BDH1: variants seen among roughly 807,000 people sequenced by gnomAD.
BDH1 encodes D-beta-hydroxybutyrate dehydrogenase, mitochondrial.
A neutral mutation model predicts 33.1 loss-of-function variants in BDH1; 30 were observed. That is an observed-to-expected ratio of 0.91 (90% CI 0.68 to 1.23). The LOEUF (loss-of-function observed/expected upper bound fraction) is 1.23, where lower values mean the gene tolerates loss of function less well. Among genes scored for constraint, BDH1 ranks in the 50% most tolerant of loss-of-function variants. The probability of loss-of-function intolerance (pLI) is 0.00; values close to 1 mark genes in which losing one functional copy is unlikely to be tolerated. For synonymous variants in BDH1, 190 were observed against 183.6 expected (o/e 1.03, Z -0.28); for missense variants, 443 against 464.4 (o/e 0.95, Z 0.42).
chr3:197,548,995 G>C (rs1180986924), intron 2 of BDH1, among the ~76,000 whole-genome samples: 1 of 152,140 alleles, frequency 6.6e-6, no homozygotes, highest in East Asian at 1.9e-4. Context: ...GACTCTTCAG[G>C]GTAGCTGTCT....
Position 197,520,041 on chromosome 3 carries a change from G to A in BDH1, c.409+2599C>T, listed in dbSNP as rs986585650. ...ACATGTCCTGCATGGGGTGTGGGTC[G>A]GTGGCGGCCACTGCGGGTCGGAACG... On this transcript the variant is annotated intron_variant, in intron 6 of 7. Coordinates refer to ENST00000392379, the MANE Select transcript of BDH1 (RefSeq NM_203314.3). The surrounding 1 kb of genome is among the most constrained non-coding windows in gnomAD (Gnocchi z 6.0). 7.9e-5 allele frequency among the ~76,000 whole-genome samples: 12 copies of A among 151,880 alleles called. No homozygotes were observed. The highest frequency in any genetic ancestry group is 2.7e-4 in the African/African-American group (11 of 41,324).
At position 197,533,525 on chromosome 3, in the gene BDH1, C is replaced by A. The variant is rs548695079; in HGVS notation, c.120G>T (p.Pro40=). 1 of 1,614,220 alleles carries A rather than the reference C, an allele frequency of 6.2e-7. No homozygotes were observed. The highest frequency in any genetic ancestry group is 8.5e-7 in the Non-Finnish European group (1 of 1,180,040). The change falls in exon 4 of 8, where the codon CCG becomes CCT. Residue 40 remains proline (P), a synonymous_variant. Transcript: ENST00000392379. ...PLLLGSTSFI[P]IGRRTYASAA... is the part of the protein sequence containing the mutation. ...CACTGGCATAAGTCCGACGGCCAAT[C>A]GGGATAAAGGAAGTAGAACCAAGCA...
At chr3:197,553,337 T>C (rs1644798229) in intron 2 of BDH1, among the ~76,000 whole-genome samples, 1 of 149,704 alleles carries the variant, frequency 6.7e-6, no homozygotes, top group Admixed American at 6.6e-5. Flanking sequence ...GAGACCATCC[T>C]GGCCAACATG....
At position 197,522,754 on chromosome 3, in the gene BDH1, G is replaced by C; in HGVS notation, c.295C>G (p.Leu99Val). Residue 99 changes from leucine (L) to valine (V), a missense_variant, in exon 6 of 8, where the codon CTG (leucine) becomes GTG (valine). Leu to Val is a conservative substitution (Grantham distance 32, BLOSUM62 1). Transcript: ENST00000392379. This position sits in a 1 kb window ranked among gnomAD's most constrained non-coding sequence, Gnocchi z 4.8. ...KDKGHDGVKE[L>V]DSLNSDRLRT... The stretch of plus-strand genomic sequence containing the variant: ...AATCGGTCACTGTTTAGGCTGTCCA[G>C]CTCCTTGACCCCATCATGGCCTTTG... The C allele has an allele frequency of 6.2e-7, 1 of 1,614,086 alleles. No individual in the cohort carries two copies. The highest frequency in any genetic ancestry group is 8.5e-7 in the Non-Finnish European group (1 of 1,179,990).
chr3:197,539,983 G>A (rs1715463257), intron 3 of BDH1, among the ~76,000 whole-genome samples: 2 of 152,172 alleles, frequency 1.3e-5, no homozygotes, highest in South Asian at 4.1e-4. Context: ...TGAGCAAGGT[G>A]AAGCCATTGG....
intron 3 of BDH1, among the ~76,000 whole-genome samples, chr3:197,544,857 G>A (rs1475662844): frequency 1.3e-5 from 2 of 152,202 alleles, no homozygotes; most frequent in Non-Finnish European, 2.9e-5. Flanking sequence ...GACCAGCCTG[G>A]CCAACATGGC....
At chr3:197,562,547 T>A (rs1717300866) in intron 1 of BDH1, among the ~76,000 whole-genome samples, 1 of 152,150 alleles carries the variant, frequency 6.6e-6, no homozygotes, top group Non-Finnish European at 1.5e-5. Flanking sequence ...AATTTAATTT[T>A]AAAAATGGGT....
At chr3:197,512,926 G>T (rs890438079) in intron 7 of BDH1, among the ~76,000 whole-genome samples, 2 of 152,188 alleles carry the variant, frequency 1.3e-5, no homozygotes, top group African/African-American at 4.8e-5. Flanking sequence ...TGGGGCTGCA[G>T]CTGGGAGGGA....
At chr3:197,568,172 G>A (rs540411026) in intron 1 of BDH1, among the ~76,000 whole-genome samples, 31 of 152,262 alleles carry the variant, frequency 2.0e-4, no homozygotes, top group Middle Eastern at 3.4e-3. Context: ...CAGAGCCAGC[G>A]TGCAGCCTGC....
At chr3:197,547,822 C>T (rs1378010116) in intron 2 of BDH1, among the ~76,000 whole-genome samples, 3 of 152,176 alleles carry the variant, frequency 2.0e-5, no homozygotes, top group East Asian at 1.9e-4. Flanking sequence ...CACGTGAGGG[C>T]GTTCCTGCCT....
chr3:197,561,159 A>C (rs754475136), intron 1 of BDH1, among the ~76,000 whole-genome samples: 26 of 152,104 alleles, frequency 1.7e-4, no homozygotes, highest in Non-Finnish European at 3.8e-4. Context: ...CCATGGAGGG[A>C]TTCTGAGTGG....
intron 5 of BDH1, among the ~76,000 whole-genome samples, chr3:197,532,083 G>A (rs1238628761): frequency 6.6e-6 from 1 of 152,184 alleles, no homozygotes; most frequent in Non-Finnish European, 1.5e-5. Flanking sequence ...TTCTTCAGCT[G>A]TGTCTATGCA....
intron 3 of BDH1, chr3:197,538,315 A>G (rs760103982): frequency 1.3e-5 from 6 of 456,402 alleles, no homozygotes; most frequent in African/African-American, 1.2e-4. Context: ...CCTTTTCTGT[A>G]TACCATTTGA....
Position 197,525,438 on chromosome 3 carries a change from G to A in BDH1, c.268-2657C>T, listed in dbSNP as rs1243316098. On this transcript the variant is annotated intron_variant, in intron 5 of 7. Transcript: ENST00000392379. This position sits in a 1 kb window ranked among gnomAD's most constrained non-coding sequence, Gnocchi z 4.9. Reference sequence around the variant, plus strand: ...CTCTGGTGCCCCTACACAGCATCACGACAAGGTCCCTGCAGTCCTCAGGGG... The same window carrying A: ...CTCTGGTGCCCCTACACAGCATCACAACAAGGTCCCTGCAGTCCTCAGGGG... Among the ~76,000 whole-genome samples, 4 of 152,154 alleles carry A rather than the reference G, an allele frequency of 2.6e-5. No individual in the cohort carries two copies. The highest frequency in any genetic ancestry group is 9.7e-5 in the African/African-American group (4 of 41,436).
intron 2 of BDH1, among the ~76,000 whole-genome samples, chr3:197,551,925 C>T (rs1716604006): frequency 6.6e-6 from 1 of 152,092 alleles, no homozygotes; most frequent in Admixed American, 6.5e-5. Flanking sequence ...AAAGGCAGGC[C>T]ACTAAACAAC....
In BDH1 at chr3:197,539,989, A is replaced by T. The variant is rs115573489; in HGVS notation, c.83+6372T>A. 6.5e-3 allele frequency among the ~76,000 whole-genome samples: 990 copies of T among 152,220 alleles called. 3 individuals carry two copies. Among genetic ancestry groups the T allele is most frequent in the South Asian group, 0.01 (50 of 4,824 alleles). ...TCTAGGCAGTGAGCAAGGTGAAGCC[A>T]TTGGGCAGTTACATCCCTAGTGGAA... On this transcript the variant is annotated intron_variant, in intron 3 of 7. Transcript: ENST00000392379.
chr3:197,550,424 G>A (rs1345303677), intron 2 of BDH1, among the ~76,000 whole-genome samples: 1 of 152,126 alleles, frequency 6.6e-6, no homozygotes, highest in East Asian at 1.9e-4. Flanking sequence ...ACCTTTCGGG[G>A]GTCTGTCCTG....
Position 197,514,444 on chromosome 3 carries a change from T to C in BDH1, c.410-28A>G. On this transcript the variant is annotated intron_variant, in intron 6 of 7. Coordinates refer to ENST00000392379, the MANE Select transcript of BDH1 (RefSeq NM_203314.3). The surrounding 1 kb of genome is among the most constrained non-coding windows in gnomAD (Gnocchi z 4.2). ...GGACAGGAGAGGGATAGATGTGCATTTACCACATGGGCTTGGCCCAGACAT... is the reference window on the plus strand; with the variant it reads ...GGACAGGAGAGGGATAGATGTGCATCTACCACATGGGCTTGGCCCAGACAT... 6.4e-7 allele frequency: 1 copy of C among 1,558,456 alleles called. No homozygotes were observed. Among genetic ancestry groups the C allele is most frequent in the East Asian group, 2.3e-5 (1 of 42,906 alleles).
Position 197,510,733 on chromosome 3 carries a change from A to T in BDH1, c.*1162T>A, listed in dbSNP as rs1711936924. 2 of 141,412 alleles carry T rather than the reference A, an allele frequency of 1.4e-5. No individual in the cohort carries two copies. The highest frequency in any genetic ancestry group is 7.3e-5 in the Admixed American group (1 of 13,652). The allele number at this position is 141,412 out of a possible 1,614,324, so 8.8% of individuals were successfully genotyped here. The stretch of plus-strand genomic sequence containing the variant: ...TGTGTGTGTGTACATGTGTGTAAGC[A>T]CCACGTGAGGCAAGCAGGGACCCCA... On this transcript the variant is annotated 3_prime_UTR_variant, in exon 8 of 8. Coordinates refer to ENST00000392379, the MANE Select transcript of BDH1 (RefSeq NM_203314.3).
Sources: gnomAD v4.1 joint callset for allele counts (sites outside exome capture counted in the v4.1 genomes callset) on GRCh38, gnomAD v4.1.1 for gene constraint, Gnocchi (gnomAD v3.1) non-coding constraint, MANE v1.5 for transcripts, NCBI Gene and HGNC (gene_info 2026-07-23, HGNC 2026-07-21) for gene names.